Variants in LCA5 observed in about 807,000 individuals in gnomAD.
LCA5 encodes the protein lebercilin LCA5.
LCA5 carries 37 observed loss-of-function variants against 53.0 expected under a neutral mutation model. That is an observed-to-expected ratio of 0.70 (90% confidence interval 0.54 to 0.92). The LOEUF (loss-of-function observed/expected upper bound fraction) is 0.92, where lower values mean the gene tolerates loss of function less well. Ranked by LOEUF, LCA5 falls within the 40% of genes least tolerant of loss-of-function variation. The probability of loss-of-function intolerance (pLI) is 0.00; values close to 1 mark genes in which losing one functional copy is unlikely to be tolerated. For missense variants in LCA5, 806 were observed against 790.5 expected, an observed-to-expected ratio of 1.02 and a Z score of -0.23; for synonymous variants, 303 against 282.9, an observed-to-expected ratio of 1.07 and a Z score of -0.71.
intron 2 of LCA5, among the ~76,000 whole-genome samples, chr6:79,517,267 T>C (rs1006755438): frequency 6.6e-6 from 1 of 152,078 alleles, no homozygotes; most frequent in South Asian, 2.1e-4. Flanking sequence ...TGGCTGATGC[T>C]GGAACTGTTT....
chr6:79,533,502 C>T (rs887493728), intron 1 of LCA5, among the ~76,000 whole-genome samples: 7 of 151,636 alleles, frequency 4.6e-5, no homozygotes, highest in Non-Finnish European at 8.8e-5. Context: ...CTAAAGCTGG[C>T]TAAACATGCT....
chr6:79,537,811 G>T (rs1466152957), upstream of LCA5, among the ~76,000 whole-genome samples: 1 of 152,122 alleles, frequency 6.6e-6, no homozygotes, highest in Admixed American at 6.5e-5. Context: ...CTTTTAAATT[G>T]TAAACAAATT....
At chr6:79,526,065 C>T (rs776307150) in intron 1 of LCA5, among the ~76,000 whole-genome samples, 2 of 152,186 alleles carry the variant, frequency 1.3e-5, no homozygotes, top group Non-Finnish European at 2.9e-5. Context: ...GATTAGAAAA[C>T]AGGCCACAGG....
At position 79,509,447 on chromosome 6, in the gene LCA5, C is replaced by G. The variant is rs1397682457; in HGVS notation, c.720+3765G>C. 2.3e-4 allele frequency among the ~76,000 whole-genome samples: 31 copies of G among 137,774 alleles called. 1 individual carries two copies. Among genetic ancestry groups the G allele is most frequent in the African/African-American group, 8.2e-4 (29 of 35,582 alleles). 90.4% of individuals were successfully genotyped at this position (137,774 alleles called of 152,430 possible). A position where few individuals can be genotyped will look rare whatever the true frequency, so the allele number is the denominator to read the frequency against. ...CCAGCCTGGGCGACAGAGTGAGACT[C>G]CGTCTCAAAAAAAAAAAAAAAAAAA... On this transcript the variant is annotated intron_variant, in intron 3 of 7. Coordinates refer to ENST00000369846, the MANE Select transcript of LCA5 (RefSeq NM_001122769.3).
chr6:79,518,935 T>C lies in LCA5; in HGVS notation c.-41A>G, dbSNP rs763361073. On this transcript the variant is annotated 5_prime_UTR_variant, in exon 2 of 8. It adds an upstream start codon to the 5' untranslated region. Transcript: ENST00000369846. Reference sequence around the variant, plus strand: ...TCTCTATTCACATAATTTCACAGATTATTTTCTCCAGAGGAGACTATGACA... The same window carrying C: ...TCTCTATTCACATAATTTCACAGATCATTTTCTCCAGAGGAGACTATGACA... 5.0e-6 allele frequency: 8 copies of C among 1,590,486 alleles called. No individual in the cohort carries two copies. Among genetic ancestry groups the C allele is most frequent in the Non-Finnish European group, 6.9e-6 (8 of 1,158,508 alleles).
At position 79,513,814 on chromosome 6, in the gene LCA5, A is replaced by T. The variant is rs1766339697; in HGVS notation, c.191-73T>A. The T allele has an allele frequency of 8.8e-6, 12 of 1,356,724 alleles. No homozygotes were observed. In the Middle Eastern group the frequency reaches 1.8e-3, roughly 204 times the overall value. The allele number at this position is 1,356,724 out of a possible 1,614,324, so 84.0% of individuals were successfully genotyped here. On this transcript the variant is annotated intron_variant, in intron 2 of 7. Coordinates refer to ENST00000369846, the MANE Select transcript of LCA5 (RefSeq NM_001122769.3). ...AGTGTTATTTGTTCATCCTAACACA[A>T]GTGGGTCCGTAACATTCTTTAGTTA...
rs914823727 is a variant in LCA5 at position 79,536,464 on chromosome 6, C to T, written c.-192+701G>A. 1.6e-4 allele frequency among the ~76,000 whole-genome samples: 25 copies of T among 152,338 alleles called. No individual in the cohort carries two copies. In the South Asian group the frequency reaches 1.7e-3, roughly 10 times the overall value. On this transcript the variant is annotated intron_variant, in intron 1 of 7. Coordinates refer to ENST00000369846, the MANE Select transcript of LCA5 (RefSeq NM_001122769.3). ...AAAAAAGGGGTTTATATCAGATGAA[C>T]TGGACCAGGGCTCTTCACTGTTAAA...
Position 79,518,911 on chromosome 6 carries a change from C to T in LCA5, c.-17G>A. 6.2e-7 allele frequency: 1 copy of T among 1,611,704 alleles called. No homozygotes were observed. Among genetic ancestry groups the T allele is most frequent in the South Asian group, 1.1e-5 (1 of 91,020 alleles). On this transcript the variant is annotated 5_prime_UTR_variant, in exon 2 of 8. Transcript: ENST00000369846. ...TTCCCCCATTGTTTTGAAAAATGGT[C>T]TCTATTCACATAATTTCACAGATTA...
At chr6:79,530,008 T>TGAC (rs1766910938) in intron 1 of LCA5, among the ~76,000 whole-genome samples, 3 of 150,270 alleles carry the variant, frequency 2.0e-5, no homozygotes, top group Non-Finnish European at 4.4e-5. Context: ...CTAATGTAAA[T>TGAC]GACGAGTTAA....
intron 3 of LCA5, among the ~76,000 whole-genome samples, chr6:79,494,469 C>T (rs561132500): frequency 1.4e-3 from 218 of 151,592 alleles, no homozygotes; most frequent in African/African-American, 4.8e-3. Context: ...TTCTAACTTG[C>T]GGGCTTTTTT....
chr6:79,520,216 G>A (rs756277973), intron 1 of LCA5, among the ~76,000 whole-genome samples: 12 of 151,556 alleles, frequency 7.9e-5, no homozygotes, highest in Non-Finnish European at 1.0e-4. Flanking sequence ...GAATAATTAA[G>A]TATTTTATAA....
chr6:79,534,046 T>C (rs1210562559), intron 1 of LCA5, among the ~76,000 whole-genome samples: 1 of 148,910 alleles, frequency 6.7e-6, no homozygotes, highest in Non-Finnish European at 1.5e-5. Flanking sequence ...TTTTCTCCTT[T>C]GTGGAAGAGG....
chr6:79,513,306 ATC>A lies in LCA5; in HGVS notation c.624_625del (p.Glu208AspfsTer3). The A allele has an allele frequency of 3.7e-6, 6 of 1,613,676 alleles. No individual in the cohort carries two copies. Among genetic ancestry groups the A allele is most frequent in the Non-Finnish European group, 5.1e-6 (6 of 1,179,796 alleles). Reference sequence around the variant, plus strand: ...TTCAGGTAGGTGTCTAGCTTCAGAGATCTCTTTCAGTTTCTGTAAGGAAAATT... The same window carrying A: ...TTCAGGTAGGTGTCTAGCTTCAGAGATCTTTCAGTTTCTGTAAGGAAAATT... On this transcript the variant is annotated frameshift_variant, in exon 3 of 8. Coordinates refer to ENST00000369846, the MANE Select transcript of LCA5 (RefSeq NM_001122769.3). LOFTEE classifies it high-confidence loss of function.
rs1197471781 is a variant in LCA5 at position 79,491,480 on chromosome 6, T to C, written c.1098+108A>G. 27 of 1,169,336 alleles carry C rather than the reference T, an allele frequency of 2.3e-5. No individual in the cohort carries two copies. In the Admixed American group the frequency reaches 4.3e-4, roughly 19 times the overall value. The allele number at this position is 1,169,336 out of a possible 1,614,324, so 72.4% of individuals were successfully genotyped here. On this transcript the variant is annotated intron_variant, in intron 6 of 7. Coordinates refer to ENST00000369846, the MANE Select transcript of LCA5 (RefSeq NM_001122769.3). ...TTCAAAAAGGCTAGTCGCATATTCA[T>C]ATAGATATAGTACTAGCTTCATTAC...
upstream of LCA5, among the ~76,000 whole-genome samples, chr6:79,538,018 G>GTTTTGTTTTTT (rs1767206926): frequency 2.3e-5 from 1 of 44,146 alleles, no homozygotes; most frequent in Non-Finnish European, 4.2e-5. Context: ...TTGCACACAA[G>GTTTTGTTTTTT]TTTTTTTTTT....
At chr6:79,502,720 A>T (rs1770175314) in intron 3 of LCA5, among the ~76,000 whole-genome samples, 1 of 152,184 alleles carries the variant, frequency 6.6e-6, no homozygotes, top group African/African-American at 2.4e-5. Flanking sequence ...AACACAAAAT[A>T]TACTATTATA....
At chr6:79,533,538 C>T (rs977942652) in intron 1 of LCA5, among the ~76,000 whole-genome samples, 1 of 150,654 alleles carries the variant, frequency 6.6e-6, no homozygotes, top group African/African-American at 2.4e-5. Context: ...AGGAAGCTAC[C>T]AAATCTAATA....
At chr6:79,529,801 A>AT in intron 1 of LCA5, among the ~76,000 whole-genome samples, 1 of 152,084 alleles carries the variant, frequency 6.6e-6, no homozygotes, top group South Asian at 2.1e-4. Context: ...CATGTCCTTT[A>AT]TGGGGACATG....
chr6:79,532,063 G>A (rs1442753862), intron 1 of LCA5, among the ~76,000 whole-genome samples: 1 of 152,072 alleles, frequency 6.6e-6, no homozygotes, highest in Non-Finnish European at 1.5e-5. Flanking sequence ...TCTTTCCTAT[G>A]TTTCTGATCT....
Sources: gnomAD v4.1 joint callset for allele counts (sites outside exome capture counted in the v4.1 genomes callset) on GRCh38, gnomAD v4.1.1 for gene constraint, MANE v1.5 for transcripts, NCBI Gene and HGNC (gene_info 2026-07-23, HGNC 2026-07-21) for gene names.